The following ARHGAP29 variants were observed in gnomAD, a reference collection of about 807,000 sequenced individuals.
ARHGAP29 encodes Rho GTPase activating protein 29.
In ARHGAP29, 43 loss-of-function variants were observed where a neutral mutation model predicts 122.6. That is an observed-to-expected ratio of 0.35 (90% CI 0.27 to 0.45). The LOEUF is 0.45. Ranked by LOEUF, ARHGAP29 falls within the 20% of genes least tolerant of loss-of-function variation. The probability of loss-of-function intolerance (pLI) is 1.00; values close to 1 mark genes in which losing one functional copy is unlikely to be tolerated. For synonymous variants in ARHGAP29, 506 were observed against 497.1 expected, an observed-to-expected ratio of 1.02 and a Z score of -0.24; for missense variants, 1,303 against 1,477.2, an observed-to-expected ratio of 0.88 and a Z score of 1.93.
At chr1:94,262,168 A>G (rs867625010) in intron 1 of ARHGAP29, among the ~76,000 whole-genome samples, 1 of 152,246 alleles carries the variant, frequency 6.6e-6, no homozygotes, top group African/African-American at 2.4e-5. Context: ...AGGACTCCCT[A>G]GTAAATAAAT....
chr1:94,237,823 G>A, upstream of ARHGAP29: 2 of 965,300 alleles, frequency 2.1e-6, no homozygotes, highest in Non-Finnish European at 2.5e-6. Context: ...CAGGCAGAGC[G>A]ACTCAGAGAA....
At chr1:94,283,540 G>A in the ARHGAP29 span, among the ~76,000 whole-genome samples, 71 of 152,184 alleles carry the variant, frequency 4.7e-4, no homozygotes, top group Non-Finnish European at 9.0e-4. Context: ...AACTAGAATC[G>A]ATTACCTCAT....
chr1:94,179,685 T>C (rs745904253), intron 20 of ARHGAP29, 40 bp downstream of exon 20: 20 of 1,295,184 alleles, frequency 1.5e-5, no homozygotes, highest in Non-Finnish European at 2.2e-5. Context: ...AACAAATCAA[T>C]TGCCCATTAA....
intron 3 of ARHGAP29, among the ~76,000 whole-genome samples, chr1:94,213,031 A>G (rs1651740688): frequency 6.6e-6 from 1 of 152,174 alleles, no homozygotes. Context: ...TAAAGCTACC[A>G]TTCAAACCAT....
chr1:94,266,343 C>T (rs558592556), intron 1 of ARHGAP29, among the ~76,000 whole-genome samples: 44 of 152,280 alleles, frequency 2.9e-4, no homozygotes, highest in African/African-American at 9.6e-4. Flanking sequence ...TCCTGGGGCC[C>T]GTGCTAGTCC....
chr1:94,278,293 T>C (rs1655252938), upstream of ARHGAP29, among the ~76,000 whole-genome samples: 1 of 152,088 alleles, frequency 6.6e-6, no homozygotes, highest in African/African-American at 2.4e-5. Flanking sequence ...CATTCCAGCG[T>C]AGGCAACAGA....
the ARHGAP29 span, among the ~76,000 whole-genome samples, chr1:94,309,789 G>A: frequency 1.3e-5 from 2 of 152,136 alleles, no homozygotes; most frequent in Non-Finnish European, 1.5e-5. Context: ...GAGGGCAGAA[G>A]AAGAAACTCC....
chr1:94,272,113 A>C (rs561966063), intron 1 of ARHGAP29, among the ~76,000 whole-genome samples: 1 of 152,318 alleles, frequency 6.6e-6, no homozygotes, highest in South Asian at 2.1e-4. Flanking sequence ...TATGAACACC[A>C]ACAGCTCAGA....
intron 1 of ARHGAP29, among the ~76,000 whole-genome samples, chr1:94,253,938 G>T (rs1259023990): frequency 2.6e-5 from 4 of 151,990 alleles, no homozygotes; most frequent in Admixed American, 6.5e-5. Flanking sequence ...GAAAATATTT[G>T]GTTTAGAAAC....
chr1:94,203,068 A>C, intron 9 of ARHGAP29, 32 bp downstream of exon 9: 1 of 1,595,596 alleles, frequency 6.3e-7, no homozygotes, highest in Non-Finnish European at 8.5e-7. Flanking sequence ...CTTAAAAATA[A>C]AAGTGCATTA....
the ARHGAP29 span, among the ~76,000 whole-genome samples, chr1:94,290,391 T>G: frequency 6.6e-6 from 1 of 152,216 alleles, no homozygotes; most frequent in Non-Finnish European, 1.5e-5. Context: ...ATTCAATGAT[T>G]TTTTGAAGAG....
chr1:94,306,587 T>G, the ARHGAP29 span, among the ~76,000 whole-genome samples: 1 of 152,216 alleles, frequency 6.6e-6, no homozygotes, highest in African/African-American at 2.4e-5. Flanking sequence ...GACTATGGTA[T>G]CTTTACAGTA....
Position 94,231,619 on chromosome 1 carries a change from T to A in ARHGAP29, c.-8A>T, listed in dbSNP as rs1292303585. On this transcript the variant is annotated 5_prime_UTR_variant, in exon 2 of 23. The change abolishes an upstream ATG in the 5' untranslated region. Coordinates refer to ENST00000260526, the MANE Select transcript of ARHGAP29 (RefSeq NM_004815.4). Reference sequence around the variant, plus strand: ...CTGTTTGTGAGCAATCATCCTTTCATGTAACAGTCAGAAAAACTGAAATCC... The same window carrying A: ...CTGTTTGTGAGCAATCATCCTTTCAAGTAACAGTCAGAAAAACTGAAATCC... 6.2e-7 allele frequency: 1 copy of A among 1,609,894 alleles called. No individual in the cohort carries two copies. The highest frequency in any genetic ancestry group is 8.5e-7 in the Non-Finnish European group (1 of 1,178,684).
At chr1:94,225,024 G>A (rs1008971458) in intron 2 of ARHGAP29, among the ~76,000 whole-genome samples, 1 of 152,120 alleles carries the variant, frequency 6.6e-6, no homozygotes, top group Non-Finnish European at 1.5e-5. Context: ...AAAGAAAAAG[G>A]TAATCACAAA....
Position 94,202,998 on chromosome 1 carries a change from G to C in ARHGAP29, c.874C>G (p.Pro292Ala). ...AALQANKFVQ[P>A]LLGRKNEMEK... is the part of the protein sequence containing the mutation. Reference sequence around the variant, plus strand: ...ATTTCATTTTTCCTTCCAAGTAGAGGCTGTGAAAGGTATTTAAAATGGAAA... The same window carrying C: ...ATTTCATTTTTCCTTCCAAGTAGAGCCTGTGAAAGGTATTTAAAATGGAAA... The change falls in exon 10 of 23, where the codon CCT (proline) becomes GCT (alanine). Residue 292 changes from proline to alanine, a missense_variant and splice_region_variant. Coordinates refer to ENST00000260526, the MANE Select transcript of ARHGAP29 (RefSeq NM_004815.4). The C allele has an allele frequency of 6.2e-7, 1 of 1,604,514 alleles. No individual in the cohort carries two copies. The highest frequency in any genetic ancestry group is 8.5e-7 in the Non-Finnish European group (1 of 1,177,580).
chr1:94,278,716 A>G (rs931286738), upstream of ARHGAP29, among the ~76,000 whole-genome samples: 2 of 152,226 alleles, frequency 1.3e-5, no homozygotes, highest in African/African-American at 2.4e-5. Context: ...TTATTAAACG[A>G]AAGTCTCTGC....
At chr1:94,203,276 T>C (rs535902744) in intron 8 of ARHGAP29, 66 bp from the exon 9 acceptor site, 1 of 1,112,808 alleles carries the variant, frequency 9.0e-7, no homozygotes, top group African/African-American at 1.6e-5. Context: ...AACACATCAC[T>C]ACCCTTCTTC....
At chr1:94,294,493 G>T in the ARHGAP29 span, among the ~76,000 whole-genome samples, 2 of 152,110 alleles carry the variant, frequency 1.3e-5, no homozygotes, top group Non-Finnish European at 2.9e-5. Context: ...TTGCTGTGTT[G>T]AGCAGGCTTA....
chr1:94,175,868 A>G (rs1047868110), intron 22 of ARHGAP29, among the ~76,000 whole-genome samples: 1 of 151,730 alleles, frequency 6.6e-6, no homozygotes, highest in Non-Finnish European at 1.5e-5. Flanking sequence ...CCATGCCCAG[A>G]TAATTTTTGT....
Sources: gnomAD v4.1 joint callset for allele counts (sites outside exome capture counted in the v4.1 genomes callset) on GRCh38, gnomAD v4.1.1 for gene constraint, MANE v1.5 for transcripts, NCBI Gene and HGNC (gene_info 2026-07-23, HGNC 2026-07-21) for gene names.